Variants in NELL1 observed in about 807,000 individuals in gnomAD.
The protein encoded by NELL1 is neural EGFL like 1.
Under a neutral mutation model 107.4 loss-of-function variants are expected in NELL1, and 76 were observed. The observed-to-expected ratio is 0.71, with a 90% CI of 0.59 to 0.86. The LOEUF (loss-of-function observed/expected upper bound fraction) is 0.86. NELL1 is among the 40% of genes least tolerant of loss of function. The pLI is 0.00. For missense variants in NELL1, 1,024 were observed against 1,005.5 expected, an observed-to-expected ratio of 1.02 and a Z score of -0.25; for synonymous variants, 353 against 341.2, an observed-to-expected ratio of 1.03 and a Z score of -0.38.
At chr11:20,951,257 A>T (rs754891427) in intron 11 of NELL1, among the ~76,000 whole-genome samples, 2 of 152,152 alleles carry the variant, frequency 1.3e-5, no homozygotes, top group African/African-American at 2.4e-5. Flanking sequence ...CTGAGTTATA[A>T]CTTATTTCCT....
intron 11 of NELL1, among the ~76,000 whole-genome samples, chr11:20,953,114 G>A (rs1214080010): frequency 6.6e-6 from 1 of 152,182 alleles, no homozygotes; most frequent in Non-Finnish European, 1.5e-5. Flanking sequence ...CTGTACATCT[G>A]AGGCACATGG....
At chr11:20,726,711 A>C (rs1170323870) in intron 2 of NELL1, among the ~76,000 whole-genome samples, 1 of 152,054 alleles carries the variant, frequency 6.6e-6, no homozygotes, top group Admixed American at 6.6e-5. Context: ...CTCATCATTT[A>C]CATTAGGTAT....
intron 12 of NELL1, among the ~76,000 whole-genome samples, chr11:20,999,530 A>G (rs1852168366): frequency 6.6e-6 from 1 of 152,164 alleles, no homozygotes; most frequent in African/African-American, 2.4e-5. Flanking sequence ...CCTACTAAAA[A>G]TGTGTGACCA....
At chr11:21,147,998 A>G (rs1283422141) in intron 13 of NELL1, among the ~76,000 whole-genome samples, 1 of 152,118 alleles carries the variant, frequency 6.6e-6, no homozygotes, top group East Asian at 1.9e-4. Context: ...TAAGGCCTCT[A>G]CTGACAAGGA....
At chr11:21,219,952 C>G (rs1013920877) in intron 13 of NELL1, among the ~76,000 whole-genome samples, 1 of 152,096 alleles carries the variant, frequency 6.6e-6, no homozygotes. Context: ...GATGGAGGCA[C>G]AACTTGCAAG....
chr11:21,232,155 A>AT (rs1554985087), intron 14 of NELL1, among the ~76,000 whole-genome samples: 21 of 50,020 alleles, frequency 4.2e-4, no homozygotes, highest in African/African-American at 1.6e-3. Flanking sequence ...AATAAAAAAA[A>AT]AAAAATATAT....
intron 2 of NELL1, among the ~76,000 whole-genome samples, chr11:20,763,919 G>C (rs1363616311): frequency 1.3e-5 from 2 of 152,188 alleles, no homozygotes; most frequent in Non-Finnish European, 2.9e-5. Context: ...AGGTGCATAG[G>C]GGGCCAGCCA....
intron 2 of NELL1, among the ~76,000 whole-genome samples, chr11:20,767,591 A>G (rs1856557612): frequency 6.6e-6 from 1 of 152,128 alleles, no homozygotes; most frequent in Non-Finnish European, 1.5e-5. Flanking sequence ...CCAAGTCCCC[A>G]CTCGACCCAG....
At chr11:21,311,973 AAG>A (rs1034210934) in intron 14 of NELL1, among the ~76,000 whole-genome samples, 1 of 152,144 alleles carries the variant, frequency 6.6e-6, no homozygotes, top group Admixed American at 6.6e-5. Context: ...GCCTTCATAA[AAG>A]AGAACTAGTT....
intron 16 of NELL1, among the ~76,000 whole-genome samples, chr11:21,539,486 A>G (rs564168820): frequency 6.6e-6 from 1 of 151,892 alleles, no homozygotes; most frequent in East Asian, 2.0e-4. Context: ...GTGGGATTTT[A>G]TTGAGTGGTG....
chr11:21,098,971 T>C (rs1353723367), intron 12 of NELL1, among the ~76,000 whole-genome samples: 1 of 152,014 alleles, frequency 6.6e-6, no homozygotes, highest in Admixed American at 6.6e-5. Flanking sequence ...TTATTATTAT[T>C]ATTATATTTG....
intron 13 of NELL1, among the ~76,000 whole-genome samples, chr11:21,118,558 T>C (rs562409230): frequency 1.1e-3 from 165 of 152,194 alleles, no homozygotes; most frequent in African/African-American, 3.9e-3. Flanking sequence ...AGGTGTATGA[T>C]AGATATCTGC....
chr11:21,349,432 G>T (rs993534775), intron 14 of NELL1, among the ~76,000 whole-genome samples: 2 of 152,114 alleles, frequency 1.3e-5, no homozygotes, highest in African/African-American at 4.8e-5. Context: ...GGAATGTACT[G>T]CATTCAAAAA....
At chr11:21,225,255 G>T (rs1454358055) in intron 13 of NELL1, among the ~76,000 whole-genome samples, 1 of 152,158 alleles carries the variant, frequency 6.6e-6, no homozygotes, top group African/African-American at 2.4e-5. Context: ...GGATCCAGGG[G>T]AGTGCAAAGG....
At chr11:20,817,689 A>G (rs1383398483) in intron 3 of NELL1, among the ~76,000 whole-genome samples, 1 of 148,248 alleles carries the variant, frequency 6.7e-6, no homozygotes, top group East Asian at 2.0e-4. Context: ...CTTTGGGGTT[A>G]GTTTGTTGTC....
At chr11:21,452,928 TA>T (rs1447687583) in intron 15 of NELL1, among the ~76,000 whole-genome samples, 29 of 152,092 alleles carry the variant, frequency 1.9e-4, no homozygotes, top group African/African-American at 6.5e-4. Flanking sequence ...ATTAGTGAAT[TA>T]TATTGTAGGA....
At chr11:20,934,321 C>A (rs1346291712) in intron 9 of NELL1, among the ~76,000 whole-genome samples, 1 of 152,170 alleles carries the variant, frequency 6.6e-6, no homozygotes, top group African/African-American at 2.4e-5. Flanking sequence ...TGCCAAATTG[C>A]AGATGGTTGA....
chr11:20,765,908 C>A (rs148687518), intron 2 of NELL1, among the ~76,000 whole-genome samples: 3 of 152,216 alleles, frequency 2.0e-5, no homozygotes, highest in African/African-American at 7.2e-5. Context: ...TGGTGTATAA[C>A]AGCTCTCCAG....
At chr11:20,735,736 A>T (rs1855748018) in intron 2 of NELL1, among the ~76,000 whole-genome samples, 1 of 152,366 alleles carries the variant, frequency 6.6e-6, no homozygotes, top group Admixed American at 6.5e-5. Context: ...AGAGACAAGT[A>T]TAGCCAGCTG....
Sources: gnomAD v4.1 joint callset for allele counts (sites outside exome capture counted in the v4.1 genomes callset) on GRCh38, gnomAD v4.1.1 for gene constraint, MANE v1.5 for transcripts, NCBI Gene and HGNC (gene_info 2026-07-23, HGNC 2026-07-21) for gene names.